The following CSMD1 variants were observed in gnomAD, a reference collection of about 807,000 sequenced individuals.
CSMD1 encodes CUB and Sushi multiple domains 1.
CSMD1 carries 213 observed loss-of-function variants against 417.5 expected under a neutral mutation model. The ratio of observed to expected loss-of-function variants is 0.51; its 90% confidence interval spans 0.46 to 0.57. The LOEUF (loss-of-function observed/expected upper bound fraction) is 0.57, where lower values mean the gene tolerates loss of function less well. Ranked by LOEUF, CSMD1 falls within the 20% of genes least tolerant of loss-of-function variation. The pLI is 0.00. For missense variants in CSMD1, 6,923 were observed against 4,529.7 expected, an observed-to-expected ratio of 1.53 and a Z score of -15.17; for synonymous variants, 2,862 against 1,736.8, an observed-to-expected ratio of 1.65 and a Z score of -16.11.
chr8:3,056,791 T>A (rs1812259109), intron 49 of CSMD1, among the ~76,000 whole-genome samples: 1 of 152,024 alleles, frequency 6.6e-6, no homozygotes, highest in Non-Finnish European at 1.5e-5. Flanking sequence ...AATGTTAGGA[T>A]TTTCAAGTAT....
intron 3 of CSMD1, among the ~76,000 whole-genome samples, chr8:4,187,232 C>T (rs942576841): frequency 1.3e-5 from 2 of 152,136 alleles, no homozygotes; most frequent in African/African-American, 4.8e-5. Flanking sequence ...TAATATGGAA[C>T]TTTAACATGT....
At chr8:4,629,598 A>T (rs935910416) in intron 2 of CSMD1, among the ~76,000 whole-genome samples, 2 of 152,176 alleles carry the variant, frequency 1.3e-5, no homozygotes, top group African/African-American at 4.8e-5. Context: ...TAGGAAGTCC[A>T]ATTTTTCATT....
At chr8:4,821,760 C>G (rs1481395879) in intron 1 of CSMD1, among the ~76,000 whole-genome samples, 1 of 152,030 alleles carries the variant, frequency 6.6e-6, no homozygotes, top group East Asian at 1.9e-4. Flanking sequence ...GTTACCTTTC[C>G]TAACACTATA....
intron 1 of CSMD1, among the ~76,000 whole-genome samples, chr8:4,747,937 A>G (rs563878126): frequency 6.6e-6 from 1 of 152,342 alleles, no homozygotes; most frequent in African/African-American, 2.4e-5. Context: ...TTTATTGCAG[A>G]AACTACCATA....
intron 1 of CSMD1, among the ~76,000 whole-genome samples, chr8:4,986,913 G>T (rs535443679): frequency 1.7e-3 from 257 of 152,186 alleles, no homozygotes; most frequent in African/African-American, 6.0e-3. Context: ...TTATTGAAAG[G>T]AAGGTAGAGA....
intron 2 of CSMD1, among the ~76,000 whole-genome samples, chr8:4,582,064 C>T (rs929268738): frequency 6.6e-6 from 1 of 150,674 alleles, no homozygotes; most frequent in African/African-American, 2.5e-5. Flanking sequence ...CACTGCGTTC[C>T]GAGCCTCTTT....
At chr8:3,748,206 G>C (rs570180751) in intron 6 of CSMD1, among the ~76,000 whole-genome samples, 2 of 152,190 alleles carry the variant, frequency 1.3e-5, no homozygotes, top group South Asian at 2.1e-4. Context: ...TTTAGGAAAA[G>C]TGGTTACGTG....
intron 4 of CSMD1, 132 bp downstream of exon 4, chr8:4,031,773 A>G: frequency 1.7e-6 from 1 of 596,362 alleles, no homozygotes; most frequent in East Asian, 2.9e-5. Context: ...TTTCAGGAGC[A>G]GAATGAGCTG....
At chr8:3,497,012 T>C (rs1250227223) in intron 10 of CSMD1, among the ~76,000 whole-genome samples, 2 of 152,226 alleles carry the variant, frequency 1.3e-5, no homozygotes, top group African/African-American at 4.8e-5. Flanking sequence ...ATACTTGATA[T>C]GATTTAGATT....
intron 5 of CSMD1, among the ~76,000 whole-genome samples, chr8:3,888,800 C>T (rs916585967): frequency 6.6e-6 from 1 of 152,116 alleles, no homozygotes; most frequent in Non-Finnish European, 1.5e-5. Context: ...AATAGCCCTT[C>T]TAAAATGAGC....
At chr8:3,067,346 G>A (rs760426628) in intron 49 of CSMD1, among the ~76,000 whole-genome samples, 9 of 151,882 alleles carry the variant, frequency 5.9e-5, no homozygotes, top group Non-Finnish European at 7.4e-5. Context: ...ATGCCTCCCC[G>A]CACTCCAAGC....
At chr8:4,779,325 C>G (rs770356492) in intron 1 of CSMD1, among the ~76,000 whole-genome samples, 1 of 152,054 alleles carries the variant, frequency 6.6e-6, no homozygotes, top group Non-Finnish European at 1.5e-5. Flanking sequence ...TTTAAAAAAT[C>G]AAGGGAAACT....
chr8:3,143,640 G>T (rs921591205), intron 40 of CSMD1, among the ~76,000 whole-genome samples: 2 of 152,138 alleles, frequency 1.3e-5, no homozygotes, highest in Non-Finnish European at 1.5e-5. Flanking sequence ...ATGCAGTTAA[G>T]CTGGGCCGTA....
chr8:4,350,037 G>C lies in CSMD1; in HGVS notation c.415+69916C>G, dbSNP rs564892782. Among the ~76,000 whole-genome samples, 6 of 152,066 alleles carry C rather than the reference G, an allele frequency of 3.9e-5. No individual in the cohort carries two copies. In the East Asian group the frequency reaches 1.2e-3, roughly 29 times the overall value. ...TCTTGTCTTTTCCTTGACTAAAGAG[G>C]CTTAGTTTTAGCTTATTTCAAATAA... is the stretch of plus-strand genomic sequence containing the variant. On this transcript the variant is annotated intron_variant, in intron 3 of 69. Coordinates refer to ENST00000635120, the MANE Select transcript of CSMD1 (RefSeq NM_033225.6).
intron 41 of CSMD1, among the ~76,000 whole-genome samples, 177 bp downstream of exon 41, chr8:3,142,288 T>A (rs1818551850): frequency 6.6e-6 from 1 of 152,222 alleles, no homozygotes; most frequent in African/African-American, 2.4e-5. Flanking sequence ...TCTGTGTCCT[T>A]ACCTCTGTTT....
intron 10 of CSMD1, among the ~76,000 whole-genome samples, chr8:3,528,885 T>G (rs190296466): frequency 6.6e-6 from 1 of 152,234 alleles, no homozygotes; most frequent in Non-Finnish European, 1.5e-5. Context: ...GTATTATAAC[T>G]GTGCATTTCA....
intron 7 of CSMD1, among the ~76,000 whole-genome samples, chr8:3,699,849 T>C (rs112789926): frequency 2.0e-5 from 3 of 152,172 alleles, no homozygotes; most frequent in African/African-American, 7.2e-5. Flanking sequence ...CGACACACCA[T>C]CCCATAACTA....
chr8:4,609,477 G>C (rs1342995569), intron 2 of CSMD1, among the ~76,000 whole-genome samples: 1 of 152,124 alleles, frequency 6.6e-6, no homozygotes, highest in Admixed American at 6.5e-5. Context: ...TTAATTAATT[G>C]ATTAATATAT....
chr8:4,650,647 G>A (rs561956303), intron 1 of CSMD1, among the ~76,000 whole-genome samples: 1 of 140,746 alleles, frequency 7.1e-6, no homozygotes, highest in Non-Finnish European at 1.5e-5. Flanking sequence ...CGAGTCTGTG[G>A]CCTTGAGTTA....
Sources: gnomAD v4.1 joint callset for allele counts (sites outside exome capture counted in the v4.1 genomes callset) on GRCh38, gnomAD v4.1.1 for gene constraint, MANE v1.5 for transcripts, NCBI Gene and HGNC (gene_info 2026-07-23, HGNC 2026-07-21) for gene names.